The following CDH18 variants were observed in gnomAD, a reference collection of about 807,000 sequenced individuals.
CDH18 encodes the protein cadherin 18, also known as cadherin-18.
Under a neutral mutation model 67.9 loss-of-function variants are expected in CDH18, and 31 were observed. The ratio of observed to expected loss-of-function variants is 0.46; its 90% CI spans 0.34 to 0.62. CDH18 has a LOEUF of 0.62. Ranked by LOEUF, CDH18 falls within the 20% of genes least tolerant of loss-of-function variation. The pLI is 0.01. For missense variants in CDH18, 890 were observed against 975.5 expected (o/e 0.91, Z 1.17); for synonymous variants, 362 against 347.2 (o/e 1.04, Z -0.48).
intron 3 of CDH18, among the ~76,000 whole-genome samples, chr5:19,772,404 C>G (rs1265040762): frequency 6.6e-6 from 1 of 151,920 alleles, no homozygotes. Flanking sequence ...AAGACATAAG[C>G]AAGTGTCAGT....
chr5:20,316,606 A>G (rs1737490849), intron 1 of CDH18, among the ~76,000 whole-genome samples: 1 of 152,068 alleles, frequency 6.6e-6, no homozygotes, highest in South Asian at 2.1e-4. Flanking sequence ...GTAATGAGAT[A>G]AGCCACTAAT....
chr5:20,519,042 C>T (rs901994869), intron 1 of CDH18, among the ~76,000 whole-genome samples: 1 of 152,030 alleles, frequency 6.6e-6, no homozygotes, highest in East Asian at 1.9e-4. Flanking sequence ...ATGCTCAATA[C>T]CCCCAGCCTG....
At chr5:19,777,228 C>T (rs998502861) in intron 3 of CDH18, among the ~76,000 whole-genome samples, 2 of 152,032 alleles carry the variant, frequency 1.3e-5, no homozygotes, top group African/African-American at 2.4e-5. Flanking sequence ...TGCAGTGAGC[C>T]GAGATCGCAT....
At chr5:20,345,614 A>T (rs753530612) in intron 1 of CDH18, among the ~76,000 whole-genome samples, 5 of 152,116 alleles carry the variant, frequency 3.3e-5, no homozygotes, top group Non-Finnish European at 7.3e-5. Context: ...AGTTTTTTAA[A>T]TAATATGTAA....
At chr5:19,701,688 T>C (rs981721745) in intron 5 of CDH18, among the ~76,000 whole-genome samples, 5 of 151,972 alleles carry the variant, frequency 3.3e-5, no homozygotes, top group African/African-American at 9.7e-5. Flanking sequence ...AGAGATAAAA[T>C]TGATTTATGA....
chr5:20,399,915 A>G (rs557014346), intron 1 of CDH18, among the ~76,000 whole-genome samples: 17 of 152,186 alleles, frequency 1.1e-4, no homozygotes, highest in Non-Finnish European at 2.1e-4. Context: ...GGGGTAATCC[A>G]GAAACCCTGC....
intron 1 of CDH18, among the ~76,000 whole-genome samples, chr5:20,426,137 G>C (rs1748285137): frequency 6.6e-6 from 1 of 151,124 alleles, no homozygotes; most frequent in African/African-American, 2.5e-5. Flanking sequence ...CTTATTGTGT[G>C]ACCTTGGCCA....
chr5:19,685,822 C>T (rs1275870634), intron 5 of CDH18, among the ~76,000 whole-genome samples: 1 of 152,088 alleles, frequency 6.6e-6, no homozygotes, highest in Non-Finnish European at 1.5e-5. Flanking sequence ...CGGACACTGA[C>T]AAATCGACCA....
At chr5:20,172,990 CAA>C (rs11303081) in intron 2 of CDH18, among the ~76,000 whole-genome samples, 103 of 139,758 alleles carry the variant, frequency 7.4e-4, no homozygotes, top group Middle Eastern at 3.8e-3. Flanking sequence ...AACTCCGTCT[CAA>C]AAAAAAAAAA....
intron 2 of CDH18, among the ~76,000 whole-genome samples, chr5:20,079,519 T>C (rs192017744): frequency 4.6e-5 from 7 of 152,312 alleles, no homozygotes; most frequent in Non-Finnish European, 7.4e-5. Flanking sequence ...GCAGTAAACA[T>C]GAGAATGCAG....
At chr5:19,918,779 G>A (rs1792110337) in intron 2 of CDH18, among the ~76,000 whole-genome samples, 1 of 152,014 alleles carries the variant, frequency 6.6e-6, no homozygotes, top group Non-Finnish European at 1.5e-5. Context: ...CATCATTCCT[G>A]GTTTCTGACA....
intron 2 of CDH18, among the ~76,000 whole-genome samples, chr5:20,242,484 T>C (rs1335403874): frequency 6.6e-6 from 1 of 150,738 alleles, no homozygotes; most frequent in Non-Finnish European, 1.5e-5. Flanking sequence ...TGTCTTCCTG[T>C]CCCTGGCTTA....
intron 1 of CDH18, among the ~76,000 whole-genome samples, chr5:20,449,755 A>G (rs1750283437): frequency 6.6e-6 from 1 of 152,042 alleles, no homozygotes; most frequent in Admixed American, 6.6e-5. Context: ...ATAGCTGACT[A>G]TAAAGTACTC....
chr5:19,820,523 A>T (rs1779762771), intron 3 of CDH18, among the ~76,000 whole-genome samples: 1 of 152,170 alleles, frequency 6.6e-6, no homozygotes, highest in Admixed American at 6.5e-5. Context: ...GACATACCCC[A>T]CAACCCACTT....
chr5:19,658,544 T>C (rs928522533), intron 5 of CDH18, among the ~76,000 whole-genome samples: 1 of 152,164 alleles, frequency 6.6e-6, no homozygotes, highest in Admixed American at 6.6e-5. Context: ...GCACCCATGG[T>C]AATTGTTGTT....
At chr5:20,435,483 C>G (rs1749098840) in intron 1 of CDH18, among the ~76,000 whole-genome samples, 1 of 152,024 alleles carries the variant, frequency 6.6e-6, no homozygotes, top group South Asian at 2.1e-4. Context: ...CTGCAAACCC[C>G]TCTTTAGTTC....
chr5:20,080,141 A>C (rs1357553464), intron 2 of CDH18, among the ~76,000 whole-genome samples: 1 of 152,202 alleles, frequency 6.6e-6, no homozygotes, highest in Non-Finnish European at 1.5e-5. Context: ...CTATCTTATT[A>C]TAGATCATAC....
At chr5:20,355,221 G>T (rs1056182025) in intron 1 of CDH18, among the ~76,000 whole-genome samples, 6 of 152,170 alleles carry the variant, frequency 3.9e-5, no homozygotes, top group Non-Finnish European at 8.8e-5. Flanking sequence ...ACTGCCTTTT[G>T]TCTGTGTCAA....
chr5:19,770,015 C>A (rs1207769086), intron 3 of CDH18, among the ~76,000 whole-genome samples: 1 of 151,562 alleles, frequency 6.6e-6, no homozygotes, highest in African/African-American at 2.4e-5. Flanking sequence ...AAATGAAAAC[C>A]ACAATGGGTT....
Sources: allele counts gnomAD v4.1 joint callset (sites outside exome capture counted in the v4.1 genomes callset), GRCh38; gene constraint gnomAD v4.1.1; transcripts MANE v1.5; gene names NCBI Gene and HGNC (gene_info 2026-07-23, HGNC 2026-07-21).